The following TMC7 variants were observed in gnomAD, a reference collection of about 807,000 sequenced individuals.
The protein encoded by TMC7 is transmembrane channel-like protein 7.
TMC7 carries 54 observed loss-of-function variants against 82.9 expected under a neutral mutation model. That is an observed-to-expected ratio of 0.65 (90% confidence interval 0.52 to 0.82). TMC7 has a LOEUF of 0.82. TMC7 is among the 40% of genes least tolerant of loss of function. TMC7 has a pLI of 0.00. For missense variants in TMC7, 820 were observed against 901.2 expected, an observed-to-expected ratio of 0.91 and a Z score of 1.15; for synonymous variants, 350 against 337.9, an observed-to-expected ratio of 1.04 and a Z score of -0.39.
intron 12 of TMC7, 55 bp from the exon 13 acceptor site, chr16:19,051,631 C>T (rs2142303845): frequency 1.3e-6 from 2 of 1,598,194 alleles, no homozygotes; most frequent in Non-Finnish European, 1.7e-6. Context: ...ACTTATTTAT[C>T]TTCACAGAAG....
intron 13 of TMC7, among the ~76,000 whole-genome samples, chr16:19,053,204 T>C (rs1332170662): frequency 2.2e-4 from 34 of 152,188 alleles, no homozygotes; most frequent in Non-Finnish European, 4.4e-5. Context: ...CATTTTCTTA[T>C]GAATACTTCC....
chr16:19,017,074 A>G (rs553924154), intron 3 of TMC7, among the ~76,000 whole-genome samples: 2 of 152,060 alleles, frequency 1.3e-5, no homozygotes, highest in African/African-American at 2.4e-5. Flanking sequence ...AATCCCAGCT[A>G]TTTGGGAGGC....
At position 19,035,814 on chromosome 16, in the gene TMC7, C is replaced by T. The variant is rs757628097; in HGVS notation, c.996C>T (p.Tyr332=). 17 of 1,585,234 alleles carry T rather than the reference C, an allele frequency of 1.1e-5. No individual in the cohort carries two copies. Among genetic ancestry groups the T allele is most frequent in the South Asian group, 1.2e-5 (1 of 85,470 alleles). Residue 332 remains tyrosine (Y), a synonymous_variant, in exon 7 of 16, where the codon TAC becomes TAT. Coordinates refer to ENST00000304381, the MANE Select transcript of TMC7 (RefSeq NM_024847.4). ...ATCTGAAGCACAGCAGCTTGCGGTA[C>T]GAGCTCCGAGTGAGTGCTCCTGAGT... ...MADLKHSSLR[Y]ELRADLEEER...
At chr16:19,032,627 GT>G (rs1401363229) in intron 6 of TMC7, among the ~76,000 whole-genome samples, 1 of 151,698 alleles carries the variant, frequency 6.6e-6, no homozygotes, top group East Asian at 1.9e-4. Context: ...AATGAAGAAG[GT>G]TTTTTGTTTT....
At chr16:19,009,135 A>G in intron 1 of TMC7, 37 bp from the exon 2 acceptor site, 1 of 1,600,256 alleles carries the variant, frequency 6.2e-7, no homozygotes, top group Non-Finnish European at 8.5e-7. Flanking sequence ...TTCCGAACTC[A>G]CTGGAGTGAA....
At chr16:19,039,215 C>T (rs554769971) in intron 8 of TMC7, among the ~76,000 whole-genome samples, 36 of 151,986 alleles carry the variant, frequency 2.4e-4, no homozygotes, top group African/African-American at 5.8e-4. Flanking sequence ...CTCAGCCTCC[C>T]GAGTAGCTGG....
At chr16:18,986,583 T>C (rs889046073) in intron 1 of TMC7, among the ~76,000 whole-genome samples, 2 of 151,968 alleles carry the variant, frequency 1.3e-5, no homozygotes. Context: ...TTCCGGTGGC[T>C]TCTCACTGCT....
At chr16:19,021,549 A>C in intron 3 of TMC7, 80 bp from the exon 4 acceptor site, 2 of 1,469,662 alleles carry the variant, frequency 1.4e-6, no homozygotes, top group Admixed American at 2.0e-5. Flanking sequence ...CTCCAGCTTC[A>C]GCTTTTGTGG....
intron 6 of TMC7, among the ~76,000 whole-genome samples, chr16:19,031,825 C>T (rs1032616133): frequency 1.1e-4 from 16 of 152,126 alleles, no homozygotes; most frequent in Non-Finnish European, 1.9e-4. Flanking sequence ...CATGTGGCTT[C>T]GAAGGTCCTG....
chr16:19,040,241 G>C (rs754661274), intron 8 of TMC7, 48 bp from the exon 9 acceptor site: 1 of 1,555,662 alleles, frequency 6.4e-7, no homozygotes, highest in East Asian at 2.3e-5. Context: ...TATTTGTGGT[G>C]TAACTTCCTC....
intron 12 of TMC7, among the ~76,000 whole-genome samples, chr16:19,048,052 T>A (rs1045589854): frequency 2.0e-5 from 3 of 152,132 alleles, no homozygotes; most frequent in Non-Finnish European, 4.4e-5. Context: ...GTTAAGAATT[T>A]TTTTTATTAA....
intron 1 of TMC7, among the ~76,000 whole-genome samples, chr16:19,000,904 C>T (rs1337485588): frequency 6.6e-6 from 1 of 152,102 alleles, no homozygotes; most frequent in Non-Finnish European, 1.5e-5. Flanking sequence ...CCTGTAGTCC[C>T]AGCTACTTGG....
chr16:18,987,151 A>G (rs992660452), intron 1 of TMC7, among the ~76,000 whole-genome samples: 1 of 152,030 alleles, frequency 6.6e-6, no homozygotes, highest in Non-Finnish European at 1.5e-5. Context: ...CTCAAATGTC[A>G]TGTCAGAGAG....
At chr16:18,984,675 T>A in intron 1 of TMC7, 1 of 225,884 alleles carries the variant, frequency 4.4e-6, no homozygotes, top group Non-Finnish European at 7.4e-6. Context: ...GTGATGTGTC[T>A]AGCACAGTGC....
intron 3 of TMC7, among the ~76,000 whole-genome samples, chr16:19,017,890 T>C (rs1415843679): frequency 2.6e-5 from 4 of 152,156 alleles, no homozygotes; most frequent in African/African-American, 7.2e-5. Context: ...CAGGATGGTC[T>C]TGATCTCCTG....
chr16:18,990,294 A>G (rs565334627), intron 1 of TMC7, among the ~76,000 whole-genome samples: 1 of 152,296 alleles, frequency 6.6e-6, no homozygotes, highest in South Asian at 2.1e-4. Flanking sequence ...ATCTGGATAT[A>G]TACGTGCAAG....
intron 5 of TMC7, among the ~76,000 whole-genome samples, chr16:19,028,979 T>A (rs796181543): frequency 6.0e-5 from 9 of 149,474 alleles, no homozygotes; most frequent in East Asian, 2.0e-4. Flanking sequence ...TAAAAAAAAA[T>A]TTTTAATTGT....
chr16:18,997,617 A>G (rs7403903), intron 1 of TMC7, among the ~76,000 whole-genome samples: 141,788 of 152,050 alleles, frequency 0.93, 66,386 homozygotes, highest in Non-Finnish European at 0.97. Flanking sequence ...TGATCCAGCC[A>G]CCTCTGGCCT....
chr16:19,008,690 GAC>G (rs989098724), intron 1 of TMC7, among the ~76,000 whole-genome samples: 193 of 152,294 alleles, frequency 1.3e-3, no homozygotes, highest in African/African-American at 4.6e-3. Context: ...CACCATGCCT[GAC>G]ACACAGGAAA....
Sources: gnomAD v4.1 joint callset for allele counts (sites outside exome capture counted in the v4.1 genomes callset) on GRCh38, gnomAD v4.1.1 for gene constraint, MANE v1.5 for transcripts, NCBI Gene and HGNC (gene_info 2026-07-23, HGNC 2026-07-21) for gene names.